IPO11: variants seen among roughly 807,000 people sequenced by gnomAD.
IPO11 encodes importin 11.
In IPO11, 66 loss-of-function variants were observed where a neutral mutation model predicts 143.2. That is an observed-to-expected ratio of 0.46 (90% CI 0.38 to 0.57). The LOEUF is 0.57. Ranked by LOEUF, IPO11 falls within the 20% of genes least tolerant of loss-of-function variation. The pLI is 0.00. For synonymous variants in IPO11, 385 were observed against 377.8 expected, an observed-to-expected ratio of 1.02 and a Z score of -0.22; for missense variants, 1,026 against 1,141.0, an observed-to-expected ratio of 0.90 and a Z score of 1.45.
chr5:62,626,546 A>G (rs544119038), intron 29 of IPO11, among the ~76,000 whole-genome samples: 2 of 152,358 alleles, frequency 1.3e-5, no homozygotes, highest in African/African-American at 4.8e-5. Flanking sequence ...CAGGGATAGA[A>G]GAAGCCAAAA....
At chr5:62,469,665 A>G (rs1209636308) in intron 6 of IPO11, among the ~76,000 whole-genome samples, 2 of 152,176 alleles carry the variant, frequency 1.3e-5, no homozygotes, top group Admixed American at 1.3e-4. Flanking sequence ...TGTTGCCCAA[A>G]GTAGTATTAC....
intron 22 of IPO11, among the ~76,000 whole-genome samples, chr5:62,536,379 A>G (rs577050262): frequency 6.6e-6 from 1 of 152,226 alleles, no homozygotes; most frequent in African/African-American, 2.4e-5. Flanking sequence ...AGTGAAAAGC[A>G]AATGAGGTAG....
At chr5:62,602,338 G>A (rs1374495452) in intron 29 of IPO11, among the ~76,000 whole-genome samples, 1 of 152,022 alleles carries the variant, frequency 6.6e-6, no homozygotes, top group African/African-American at 2.4e-5. Context: ...AAAAAAAAAG[G>A]AAATATCTAA....
chr5:62,578,792 T>TAAAAAAA, intron 27 of IPO11: 1 of 338,750 alleles, frequency 3.0e-6, no homozygotes, highest in East Asian at 8.8e-5. Flanking sequence ...AACGGTGACT[T>TAAAAAAA]AAAAAAAAAA....
intron 27 of IPO11, among the ~76,000 whole-genome samples, chr5:62,572,408 G>A (rs1744159458): frequency 6.6e-6 from 1 of 152,096 alleles, no homozygotes; most frequent in South Asian, 2.1e-4. Flanking sequence ...CGGAAGAGAT[G>A]ACATAGAAAA....
chr5:62,427,144 T>G (rs1305083938), intron 1 of IPO11, among the ~76,000 whole-genome samples: 1 of 151,828 alleles, frequency 6.6e-6, no homozygotes, highest in East Asian at 1.9e-4. Context: ...TCCACCACAT[T>G]GACCAGGCTG....
chr5:62,499,355 AC>A (rs1741264397), intron 16 of IPO11, among the ~76,000 whole-genome samples: 1 of 152,200 alleles, frequency 6.6e-6, no homozygotes, highest in African/African-American at 2.4e-5. Context: ...AAGATAAAAA[AC>A]GTTACACCTC....
chr5:62,431,613 G>A (rs1299464091), intron 1 of IPO11, among the ~76,000 whole-genome samples: 1 of 152,034 alleles, frequency 6.6e-6, no homozygotes, highest in Non-Finnish European at 1.5e-5. Context: ...GATGATGCCA[G>A]CTGTACCACC....
chr5:62,480,983 T>G (rs907898297), intron 9 of IPO11, among the ~76,000 whole-genome samples: 3 of 149,164 alleles, frequency 2.0e-5, no homozygotes, highest in African/African-American at 7.5e-5. Context: ...TGGCGTGATC[T>G]TGGGTCACTG....
intron 8 of IPO11, 57 bp from the exon 9 acceptor site, chr5:62,476,626 A>G: frequency 2.1e-6 from 3 of 1,450,228 alleles, no homozygotes; most frequent in Non-Finnish European, 2.8e-6. Context: ...AAAAATTTTG[A>G]TGTTGTCTTG....
Position 62,627,150 on chromosome 5 carries a change from A to G in IPO11, c.2764-4A>G. On this transcript the variant is annotated splice_polypyrimidine_tract_variant and splice_region_variant and intron_variant, in intron 29 of 29. Coordinates refer to ENST00000325324, the MANE Select transcript of IPO11 (RefSeq NM_016338.5). ...ACAGTCTTGCTCCTCTCTGTATCCCACAGCTGGCCCTGAAGGACCCTGTTC... is the reference window on the plus strand; with the variant it reads ...ACAGTCTTGCTCCTCTCTGTATCCCGCAGCTGGCCCTGAAGGACCCTGTTC... The G allele has an allele frequency of 6.2e-7, 1 of 1,612,428 alleles. No individual in the cohort carries two copies. Among genetic ancestry groups the G allele is most frequent in the Admixed American group, 1.7e-5 (1 of 59,934 alleles).
chr5:62,437,969 A>C (rs1192628956), intron 2 of IPO11, among the ~76,000 whole-genome samples: 1 of 152,194 alleles, frequency 6.6e-6, no homozygotes, highest in East Asian at 1.9e-4. Flanking sequence ...AATCAAAATT[A>C]TTTTCTCAAT....
chr5:62,533,650 T>C (rs1742634412), intron 22 of IPO11, among the ~76,000 whole-genome samples: 1 of 152,190 alleles, frequency 6.6e-6, no homozygotes, highest in Admixed American at 6.5e-5. Flanking sequence ...AAGCTATCTG[T>C]TTATTAAGTA....
At chr5:62,532,173 T>A (rs143420135) in intron 22 of IPO11, among the ~76,000 whole-genome samples, 1 of 152,340 alleles carries the variant, frequency 6.6e-6, no homozygotes, top group African/African-American at 2.4e-5. Flanking sequence ...AAATTCAGCA[T>A]GCTTAGTCTC....
intron 26 of IPO11, among the ~76,000 whole-genome samples, chr5:62,553,428 T>C (rs1743462748): frequency 1.3e-5 from 2 of 152,094 alleles, no homozygotes; most frequent in African/African-American, 4.8e-5. Flanking sequence ...TTGGCTATTC[T>C]GAACAGTGCT....
chr5:62,420,803 A>G (rs1469953003), intron 1 of IPO11, among the ~76,000 whole-genome samples: 2 of 151,452 alleles, frequency 1.3e-5, no homozygotes, highest in African/African-American at 4.9e-5. Context: ...CTGGTCTTGA[A>G]CTCCTGCACT....
At chr5:62,527,145 C>T (rs1742395509) in intron 21 of IPO11, among the ~76,000 whole-genome samples, 1 of 152,206 alleles carries the variant, frequency 6.6e-6, no homozygotes, top group Admixed American at 6.5e-5. Flanking sequence ...TTGCGTTCTT[C>T]AGAAAGGTGT....
chr5:62,594,308 G>T (rs556652678), intron 28 of IPO11, among the ~76,000 whole-genome samples: 1 of 152,282 alleles, frequency 6.6e-6, no homozygotes, highest in Non-Finnish European at 1.5e-5. Context: ...TAAGTCTGAG[G>T]TATAAATCTG....
chr5:62,443,904 A>G (rs1021705818), intron 3 of IPO11, among the ~76,000 whole-genome samples: 19 of 152,198 alleles, frequency 1.2e-4, no homozygotes, highest in Admixed American at 4.6e-4. Context: ...CTTAAGAAGT[A>G]ACATAATCTG....
Sources: gnomAD v4.1 joint callset for allele counts (sites outside exome capture counted in the v4.1 genomes callset) on GRCh38, gnomAD v4.1.1 for gene constraint, MANE v1.5 for transcripts, NCBI Gene and HGNC (gene_info 2026-07-23, HGNC 2026-07-21) for gene names.